The following RUFY1 variants were observed in gnomAD, a reference collection of about 807,000 sequenced individuals.
RUFY1 encodes the protein RUN and FYVE domain containing 1.
In RUFY1, 54 loss-of-function variants were observed where a neutral mutation model predicts 94.6. The ratio of observed to expected loss-of-function variants is 0.57; its 90% confidence interval spans 0.46 to 0.72. The LOEUF (loss-of-function observed/expected upper bound fraction) is 0.72, where lower values mean the gene tolerates loss of function less well. Among genes scored for constraint, RUFY1 ranks in the 30% least tolerant of loss-of-function variants. The pLI is 0.00. For synonymous variants in RUFY1, 396 were observed against 347.3 expected, an observed-to-expected ratio of 1.14 and a Z score of -1.56; for missense variants, 883 against 883.9, an observed-to-expected ratio of 1.00 and a Z score of 0.01.
intron 2 of RUFY1, among the ~76,000 whole-genome samples, chr5:179,562,139 C>T (rs1581430661): frequency 6.6e-6 from 1 of 151,956 alleles, no homozygotes; most frequent in African/African-American, 2.4e-5. Context: ...GCAGGCCGGG[C>T]GCTGTGGCTC....
At chr5:179,563,640 C>T (rs1762607354) in intron 3 of RUFY1, among the ~76,000 whole-genome samples, 1 of 152,114 alleles carries the variant, frequency 6.6e-6, no homozygotes, top group African/African-American at 2.4e-5. Context: ...TATTTAAAGC[C>T]TTTTGCACCT....
At chr5:179,598,909 C>G (rs1765988859) in intron 14 of RUFY1, 88 bp downstream of exon 14, 1 of 1,481,680 alleles carries the variant, frequency 6.7e-7, no homozygotes, top group South Asian at 1.2e-5. Context: ...TCCCCGCACC[C>G]TTTGTGTGGG....
chr5:179,598,784 T>C lies in RUFY1; in HGVS notation c.1724T>C (p.Leu575Pro). 2 of 1,614,142 alleles carry C rather than the reference T, an allele frequency of 1.2e-6. No homozygotes were observed. The highest frequency in any genetic ancestry group is 1.7e-6 in the Non-Finnish European group (2 of 1,180,012). Residue 575 changes from leucine to proline, a missense_variant, in exon 14 of 18, where the codon CTC becomes CCC. Leu to Pro is a moderately conservative substitution (Grantham distance 98, BLOSUM62 -3). Coordinates refer to ENST00000319449, the MANE Select transcript of RUFY1 (RefSeq NM_025158.5). ...LQHEKDTSSL[L>P]RMELQQVEGL... Reference sequence around the variant, plus strand: ...CACGAGAAAGACACTTCCTCTCTACTCAGGATGGAGCTGCAACAAGTGGAA... The same window carrying C: ...CACGAGAAAGACACTTCCTCTCTACCCAGGATGGAGCTGCAACAAGTGGAA...
At chr5:179,606,069 C>G (rs1480027718) in intron 16 of RUFY1, 145 bp downstream of exon 16, 1 of 634,528 alleles carries the variant, frequency 1.6e-6, no homozygotes, top group Non-Finnish European at 2.8e-6. Flanking sequence ...CCAAACGCTG[C>G]TCAGAAACGT....
At chr5:179,567,801 G>A (rs1478605733) in intron 4 of RUFY1, among the ~76,000 whole-genome samples, 1 of 152,162 alleles carries the variant, frequency 6.6e-6, no homozygotes, top group East Asian at 1.9e-4. Context: ...CTACTCAGAA[G>A]GCTGAGGCAG....
intron 3 of RUFY1, among the ~76,000 whole-genome samples, chr5:179,566,557 G>T (rs1762844183): frequency 6.7e-6 from 1 of 148,768 alleles, no homozygotes; most frequent in South Asian, 2.1e-4. Context: ...AGTGAGCCAA[G>T]ATCACAACGG....
intron 1 of RUFY1, 42 bp from the exon 2 acceptor site, chr5:179,559,983 G>C: frequency 3.1e-6 from 5 of 1,590,346 alleles, no homozygotes; most frequent in East Asian, 2.3e-5. Context: ...ACCTCCCCAC[G>C]CTCAGTCCAC....
At chr5:179,597,260 G>A (rs999677348) in intron 13 of RUFY1, among the ~76,000 whole-genome samples, 5 of 150,754 alleles carry the variant, frequency 3.3e-5, no homozygotes, top group East Asian at 1.9e-4. Context: ...TTTTGAGACC[G>A]AGTCTCACTC....
At chr5:179,565,604 TTG>T (rs35496980) in intron 3 of RUFY1, among the ~76,000 whole-genome samples, 60,180 of 151,866 alleles carry the variant, frequency 0.4, 12,419 homozygotes, top group East Asian at 0.72. Flanking sequence ...TTAAATCTCT[TTG>T]TGTATCGAAT....
At chr5:179,594,348 C>T (rs979898177) in intron 11 of RUFY1, among the ~76,000 whole-genome samples, 2 of 151,454 alleles carry the variant, frequency 1.3e-5, no homozygotes, top group East Asian at 2.0e-4. Flanking sequence ...CAAACTTTGC[C>T]GCTAAGTTAA....
chr5:179,601,767 C>T (rs1403482543), intron 14 of RUFY1, 125 bp from the exon 15 acceptor site: 2 of 699,138 alleles, frequency 2.9e-6, no homozygotes, highest in Non-Finnish European at 4.8e-6. Context: ...TGCAGTGAGC[C>T]AAGATCGTGC....
intron 9 of RUFY1, 115 bp from the exon 10 acceptor site, chr5:179,591,510 T>G: frequency 1.4e-6 from 1 of 738,586 alleles, no homozygotes; most frequent in Non-Finnish European, 2.3e-6. Context: ...CTACCATGCT[T>G]AAAAAATAAA....
In RUFY1 at chr5:179,577,148, G is replaced by T; in HGVS notation, c.890+12G>T. The T allele has an allele frequency of 1.2e-6, 1 of 839,094 alleles. No individual in the cohort carries two copies. Among genetic ancestry groups the T allele is most frequent in the South Asian group, 1.6e-5 (1 of 63,272 alleles). The allele number at this position is 839,094 out of a possible 1,614,324, so 52.0% of individuals were successfully genotyped here. A position where few individuals can be genotyped will look rare whatever the true frequency, so the allele number is the denominator to read the frequency against. Reference sequence around the variant, plus strand: ...GATGGTGGCAAGGAGTAAGTACTGCGTTGTATGTCACTTTTTTTTTTTTTT... The same window carrying T: ...GATGGTGGCAAGGAGTAAGTACTGCTTTGTATGTCACTTTTTTTTTTTTTT... On this transcript the variant is annotated intron_variant, in intron 6 of 17. Coordinates refer to ENST00000319449, the MANE Select transcript of RUFY1 (RefSeq NM_025158.5).
At chr5:179,554,253 C>A (rs1762000928) in intron 1 of RUFY1, among the ~76,000 whole-genome samples, 1 of 152,036 alleles carries the variant, frequency 6.6e-6, no homozygotes, top group Non-Finnish European at 1.5e-5. Flanking sequence ...AAATGTTGTC[C>A]CGGTCGGGTG....
intron 6 of RUFY1, 23 bp downstream of exon 6, chr5:179,577,159 C>CTGTTTTT: frequency 5.5e-6 from 1 of 183,384 alleles, no homozygotes; most frequent in South Asian, 4.5e-5. Flanking sequence ...TTGTATGTCA[C>CTGTTTTT]TTTTTTTTTT....
rs560106178 is a variant in RUFY1 at position 179,573,467 on chromosome 5, G to A, written c.829-3608G>A. 3.3e-5 allele frequency among the ~76,000 whole-genome samples: 5 copies of A among 152,114 alleles called. No individual in the cohort carries two copies. In the East Asian group the frequency reaches 5.8e-4, roughly 18 times the overall value. ...ATGTCTGAGGGATGCGGTTTCTCAC[G>A]TTTAGAGAGTGCTTTCCACTCCAGT... On this transcript the variant is annotated intron_variant, in intron 5 of 17. Transcript: ENST00000319449.
At chr5:179,565,477 C>T (rs1179320415) in intron 3 of RUFY1, among the ~76,000 whole-genome samples, 1 of 152,062 alleles carries the variant, frequency 6.6e-6, no homozygotes, top group Non-Finnish European at 1.5e-5. Context: ...CCACACCTGG[C>T]CTACTTTCTA....
chr5:179,578,079 G>C (rs1763800287), intron 6 of RUFY1, among the ~76,000 whole-genome samples: 1 of 152,154 alleles, frequency 6.6e-6, no homozygotes, highest in Non-Finnish European at 1.5e-5. Context: ...CTCAAAGGAA[G>C]ACTGTTTAAT....
intron 13 of RUFY1, chr5:179,598,379 G>A (rs988680494): frequency 2.3e-5 from 7 of 303,554 alleles, no homozygotes; most frequent in African/African-American, 8.8e-5. Context: ...AGAAAAGAAC[G>A]AATTTTGAGC....
Sources: gnomAD v4.1 joint callset for allele counts (sites outside exome capture counted in the v4.1 genomes callset) on GRCh38, gnomAD v4.1.1 for gene constraint, MANE v1.5 for transcripts, NCBI Gene and HGNC (gene_info 2026-07-23, HGNC 2026-07-21) for gene names.